The following SLC38A6 variants were observed in gnomAD, a reference collection of about 807,000 sequenced individuals.
SLC38A6 encodes N system amino acid transporter NAT-1.
Under a neutral mutation model 65.0 loss-of-function variants are expected in SLC38A6, and 73 were observed. The observed-to-expected ratio is 1.12, with a 90% CI of 0.93 to 1.37. The LOEUF is 1.37. Among genes scored for constraint, SLC38A6 ranks in the 40% most tolerant of loss-of-function variants. SLC38A6 has a pLI of 0.00. For synonymous variants in SLC38A6, 183 were observed against 178.8 expected, an observed-to-expected ratio of 1.02 and a Z score of -0.19; for missense variants, 561 against 531.1, an observed-to-expected ratio of 1.06 and a Z score of -0.55.
At position 60,994,002 on chromosome 14, in the gene SLC38A6, C is replaced by G. The variant is rs573075248; in HGVS notation, c.310+9199C>G. Among the ~76,000 whole-genome samples the G allele has an allele frequency of 2.1e-3, 326 of 152,294 alleles. 1 individual carries two copies. Among genetic ancestry groups the G allele is most frequent in the Non-Finnish European group, 3.7e-3 (249 of 68,032 alleles). On this transcript the variant is annotated intron_variant, in intron 3 of 15. Coordinates refer to ENST00000267488, the MANE Select transcript of SLC38A6 (RefSeq NM_153811.3). ...TTGCTGGTGGGAATAAGAAATGGTA[C>G]AGCTACTTTGGAATACAGTTTGGCA...
At chr14:61,065,480 CA>C (rs1254474857) in intron 15 of SLC38A6, among the ~76,000 whole-genome samples, 1 of 152,184 alleles carries the variant, frequency 6.6e-6, no homozygotes, top group African/African-American at 2.4e-5. Context: ...TTCATCTTTG[CA>C]AAATCTCCTG....
chr14:61,012,975 A>G (rs2039695811), intron 3 of SLC38A6, among the ~76,000 whole-genome samples: 1 of 152,138 alleles, frequency 6.6e-6, no homozygotes, highest in South Asian at 2.1e-4. Context: ...TCTAATGTTA[A>G]CAGTGGGGTG....
intron 3 of SLC38A6, among the ~76,000 whole-genome samples, chr14:60,996,996 T>C (rs530088634): frequency 2.2e-4 from 33 of 152,246 alleles, no homozygotes; most frequent in African/African-American, 7.9e-4. Context: ...GAGTATACCC[T>C]TTACCAAAGT....
chr14:60,985,250 A>G, intron 3 of SLC38A6, among the ~76,000 whole-genome samples: 1 of 152,228 alleles, frequency 6.6e-6, no homozygotes. Context: ...GCTTTAATTT[A>G]TTTAGACACA....
chr14:61,070,948 C>T (rs1479743705), intron 15 of SLC38A6, among the ~76,000 whole-genome samples: 1 of 152,094 alleles, frequency 6.6e-6, no homozygotes, highest in Admixed American at 6.6e-5. Context: ...ATATTAACCC[C>T]TTATCAGATA....
At chr14:61,081,591 A>G (rs2043652796) in intron 16 of SLC38A6, among the ~76,000 whole-genome samples, 1 of 152,112 alleles carries the variant, frequency 6.6e-6, no homozygotes, top group Non-Finnish European at 1.5e-5. Flanking sequence ...AGGTGGAGGC[A>G]GGAGAATCGC....
intron 16 of SLC38A6, among the ~76,000 whole-genome samples, chr14:61,080,711 G>A (rs982002166): frequency 2.0e-5 from 3 of 152,236 alleles, no homozygotes; most frequent in African/African-American, 7.2e-5. Context: ...GCCCAGTCGG[G>A]TGGGTGTGAT....
In SLC38A6 at chr14:61,045,428, A is replaced by G. The variant is rs768679296; in HGVS notation, c.824+3A>G. On this transcript the variant is annotated splice_donor_region_variant and intron_variant, in intron 11 of 15. Coordinates refer to ENST00000267488, the MANE Select transcript of SLC38A6 (RefSeq NM_153811.3). ...CCCATATACTGTGAACTTCAAAGGT[A>G]CTGTAGAATCCTGGAATATTTTAAA... The G allele has an allele frequency of 3.5e-5, 56 of 1,597,058 alleles. No homozygotes were observed. The highest frequency in any genetic ancestry group is 4.5e-5 in the Non-Finnish European group (53 of 1,166,124).
chr14:61,062,559 T>C (rs1470935536), intron 15 of SLC38A6, among the ~76,000 whole-genome samples: 1 of 152,108 alleles, frequency 6.6e-6, no homozygotes, highest in Admixed American at 6.6e-5. Flanking sequence ...ATTCCTGGGC[T>C]CAAGTGATCC....
intron 3 of SLC38A6, among the ~76,000 whole-genome samples, chr14:61,014,664 G>T (rs1164939204): frequency 6.6e-6 from 1 of 152,160 alleles, no homozygotes; most frequent in South Asian, 2.1e-4. Flanking sequence ...GACCCTTTTT[G>T]TCTGGGTATC....
intron 15 of SLC38A6, among the ~76,000 whole-genome samples, chr14:61,074,592 T>C (rs776370379): frequency 2.0e-5 from 3 of 152,168 alleles, no homozygotes; most frequent in Non-Finnish European, 4.4e-5. Flanking sequence ...CATCTTGAAA[T>C]ACTTGTGGGT....
chr14:61,009,848 G>T (rs142900738), intron 3 of SLC38A6, among the ~76,000 whole-genome samples: 6 of 152,312 alleles, frequency 3.9e-5, no homozygotes, highest in African/African-American at 1.4e-4. Flanking sequence ...ACATACGTGT[G>T]CCTTTGTCTT....
chr14:60,998,584 T>G (rs2038457384), intron 3 of SLC38A6, among the ~76,000 whole-genome samples: 1 of 152,174 alleles, frequency 6.6e-6, no homozygotes, highest in African/African-American at 2.4e-5. Context: ...GTGACCTGAT[T>G]CTTCCTGGAC....
At chr14:61,062,593 C>G (rs756533581) in intron 15 of SLC38A6, among the ~76,000 whole-genome samples, 19 of 152,080 alleles carry the variant, frequency 1.2e-4, no homozygotes, top group African/African-American at 3.1e-4. Context: ...TACTGAGTAG[C>G]TGGGACTGCA....
At chr14:61,041,767 CCA>C (rs1260018678) in intron 8 of SLC38A6, among the ~76,000 whole-genome samples, 3 of 152,164 alleles carry the variant, frequency 2.0e-5, no homozygotes, top group African/African-American at 7.2e-5. Context: ...GGTGTGATGG[CCA>C]CACACCTGTA....
At chr14:61,030,018 A>G (rs2040856542) in intron 5 of SLC38A6, among the ~76,000 whole-genome samples, 1 of 152,150 alleles carries the variant, frequency 6.6e-6, no homozygotes, top group Non-Finnish European at 1.5e-5. Context: ...GGAACAGATA[A>G]TCCAGTTACT....
intron 3 of SLC38A6, chr14:61,002,127 C>T (rs1369763114): frequency 6.6e-6 from 1 of 152,142 alleles, no homozygotes; most frequent in East Asian, 1.9e-4. Flanking sequence ...CCAGAATCAT[C>T]TCTATATATG....
At chr14:61,081,398 G>A (rs2043641339) in intron 16 of SLC38A6, among the ~76,000 whole-genome samples, 1 of 137,596 alleles carries the variant, frequency 7.3e-6, no homozygotes, top group Non-Finnish European at 1.7e-5. Context: ...TCCAGCGTAA[G>A]TCTTTCATGT....
chr14:61,063,709 A>ATATT (rs2042932465), intron 15 of SLC38A6, among the ~76,000 whole-genome samples: 1 of 151,848 alleles, frequency 6.6e-6, no homozygotes, highest in South Asian at 2.1e-4. Context: ...GAAGATCAAG[A>ATATT]TATTTAGCAA....
Sources: gnomAD v4.1 joint callset for allele counts (sites outside exome capture counted in the v4.1 genomes callset) on GRCh38, gnomAD v4.1.1 for gene constraint, MANE v1.5 for transcripts, NCBI Gene and HGNC (gene_info 2026-07-23, HGNC 2026-07-21) for gene names.